SLC18A1: variants seen among roughly 807,000 people sequenced by gnomAD.
SLC18A1 encodes the protein chromaffin granule amine transporter.
In SLC18A1, 69 loss-of-function variants were observed where a neutral mutation model predicts 53.7. That is an observed-to-expected ratio of 1.28 (90% confidence interval 1.06 to 1.57). The LOEUF (loss-of-function observed/expected upper bound fraction) is 1.57, where lower values mean the gene tolerates loss of function less well. Among genes scored for constraint, SLC18A1 ranks in the 40% most tolerant of loss-of-function variants. The pLI, the probability that SLC18A1 is intolerant of heterozygous loss-of-function variation, is 0.00. For synonymous variants in SLC18A1, 320 were observed against 248.1 expected (o/e 1.29, Z -2.72); for missense variants, 932 against 668.1 (o/e 1.40, Z -4.35).
Position 20,172,742 on chromosome 8 carries a change from G to T in SLC18A1, c.724+294C>A, listed in dbSNP as rs534858737. Among the ~76,000 whole-genome samples the T allele has an allele frequency of 1.1e-4, 16 of 152,302 alleles. No individual in the cohort carries two copies. The South Asian group carries it at 2.7e-3, about 26-fold the overall frequency. On this transcript the variant is annotated intron_variant, in intron 6 of 15. Transcript: ENST00000276373. Reference sequence around the variant, plus strand: ...AACAGATTTAGCAGAGCATCTGGCAGCAGCCATGCTCTGGTGCTGTGTGCA... The same window carrying T: ...AACAGATTTAGCAGAGCATCTGGCATCAGCCATGCTCTGGTGCTGTGTGCA...
chr8:20,174,923 A>T (rs1388349991), intron 4 of SLC18A1, among the ~76,000 whole-genome samples: 2 of 152,178 alleles, frequency 1.3e-5, no homozygotes, highest in East Asian at 3.8e-4. Flanking sequence ...GGTAGAAAAT[A>T]ATATCTTGTG....
At chr8:20,146,170 C>T (rs1445371097) in intron 15 of SLC18A1, among the ~76,000 whole-genome samples, 1 of 152,150 alleles carries the variant, frequency 6.6e-6, no homozygotes, top group Non-Finnish European at 1.5e-5. Context: ...CCGCCTCAGC[C>T]TCCTAAAGTG....
At position 20,158,613 on chromosome 8, in the gene SLC18A1, C is replaced by A. The variant is rs540160560; in HGVS notation, c.1015+6256G>T. Among the ~76,000 whole-genome samples, 5 of 152,230 alleles carry A rather than the reference C, an allele frequency of 3.3e-5. No homozygotes were observed. The East Asian group carries it at 5.8e-4, about 18-fold the overall frequency. On this transcript the variant is annotated intron_variant, in intron 10 of 15. Transcript: ENST00000276373. ...AGGACTCCAAAAGATTGTTAAGGAC[C>A]TAAAAGCCCAAGGCCTTGTAAAACT...
chr8:20,147,217 A>G (rs748624715), intron 15 of SLC18A1, 41 bp downstream of exon 15: 3 of 1,563,982 alleles, frequency 1.9e-6, no homozygotes, highest in East Asian at 2.2e-5. Flanking sequence ...GATGGAAAGA[A>G]ACAGAAGTGA....
rs775746140 is a variant in SLC18A1, at chr8:20,147,381, G to A, written c.1341C>T (p.Thr447=). 24 of 1,609,390 alleles carry A rather than the reference G, an allele frequency of 1.5e-5. No homozygotes were observed. The highest frequency in any genetic ancestry group is 5.1e-5 in the Admixed American group (3 of 59,254). Residue 447 remains threonine (T), a synonymous_variant, in exon 15 of 16, where the codon ACC becomes ACT. Transcript: ENST00000276373. ...FCMGFAIGPS[T]GGAIVKAIGF... is the part of the protein sequence containing the mutation. ...CGATGGCCTTTACAATGGCACCACC[G>A]GTGGATGGACCTGGGAGGGATACAT... is the stretch of plus-strand genomic sequence containing the variant.
chr8:20,179,596 G>C, intron 2 of SLC18A1, 112 bp from the exon 3 acceptor site: 2 of 1,369,322 alleles, frequency 1.5e-6, no homozygotes, highest in Non-Finnish European at 2.0e-6. Context: ...AGGAGGACAG[G>C]TGATGGGGGC....
chr8:20,158,689 G>A (rs1238647653), intron 10 of SLC18A1, among the ~76,000 whole-genome samples: 1 of 152,106 alleles, frequency 6.6e-6, no homozygotes, highest in Non-Finnish European at 1.5e-5. Context: ...AAACCCAACG[G>A]ACAGTGGAGG....
chr8:20,177,143 T>C (rs2072272392), intron 4 of SLC18A1, among the ~76,000 whole-genome samples: 1 of 152,254 alleles, frequency 6.6e-6, no homozygotes, highest in Admixed American at 6.5e-5. Context: ...TAGGCTGAAC[T>C]GCTAGAAGTT....
At chr8:20,154,985 T>A (rs974299943) in intron 10 of SLC18A1, among the ~76,000 whole-genome samples, 1 of 152,166 alleles carries the variant, frequency 6.6e-6, no homozygotes, top group African/African-American at 2.4e-5. Context: ...CCTGCACACC[T>A]AAGTGCCCAG....
chr8:20,173,188 G>A, intron 5 of SLC18A1, 60 bp from the exon 6 acceptor site: 2 of 1,276,492 alleles, frequency 1.6e-6, no homozygotes, highest in South Asian at 1.3e-5. Flanking sequence ...GCCTCTCAGA[G>A]CCCTTGGTCC....
intron 10 of SLC18A1, among the ~76,000 whole-genome samples, chr8:20,161,185 A>C (rs1056434152): frequency 6.6e-6 from 1 of 152,168 alleles, no homozygotes; most frequent in Non-Finnish European, 1.5e-5. Context: ...CAAAATCCAG[A>C]GTCTTGTCTA....
rs2071359060 is a variant in SLC18A1 at position 20,145,013 on chromosome 8, C to G, written c.*750G>C. On this transcript the variant is annotated 3_prime_UTR_variant, in exon 16 of 16. Coordinates refer to ENST00000276373, the MANE Select transcript of SLC18A1 (RefSeq NM_003053.4). ...ATCAGTTATTTTTTCTGTCTTTCTT[C>G]TACTTTTATTTCTAAGAGTCTAAGA... 1.3e-5 allele frequency: 2 copies of G among 152,022 alleles called. No individual in the cohort carries two copies. Among genetic ancestry groups the G allele is most frequent in the Admixed American group, 1.3e-4 (2 of 15,260 alleles). The allele number at this position is 152,022 out of a possible 1,614,324, so 9.4% of individuals were successfully genotyped here.
chr8:20,179,567 T>C, intron 2 of SLC18A1, 83 bp from the exon 3 acceptor site: 1 of 1,486,776 alleles, frequency 6.7e-7, no homozygotes, highest in Non-Finnish European at 9.1e-7. Flanking sequence ...AGGACAGATG[T>C]CAATTCTACT....
rs775027396 is a variant in SLC18A1, at chr8:20,180,998, G to A, written c.-34C>T. ...CCGGACTGGGGCAGTCTTCCCCTGC[G>A]GGCTCTTAGGGAAGGTCCTGTGACA... On this transcript the variant is annotated 5_prime_UTR_variant, in exon 2 of 16. Transcript: ENST00000276373. The A allele has an allele frequency of 1.7e-5, 26 of 1,548,942 alleles. No homozygotes were observed. The highest frequency in any genetic ancestry group is 1.7e-4 in the South Asian group (14 of 84,056).
At chr8:20,178,247 A>G (rs544806259) in intron 4 of SLC18A1, among the ~76,000 whole-genome samples, 188 bp downstream of exon 4, 7 of 152,292 alleles carry the variant, frequency 4.6e-5, no homozygotes, top group African/African-American at 1.4e-4. Context: ...ACCAATTCCA[A>G]CTAGACTGAA....
chr8:20,168,432 T>G (rs1395604338), intron 8 of SLC18A1, among the ~76,000 whole-genome samples: 1 of 152,162 alleles, frequency 6.6e-6, no homozygotes, highest in Non-Finnish European at 1.5e-5. Context: ...GATTCTACAC[T>G]GATAATATCA....
At chr8:20,178,121 A>C (rs73669736) in intron 4 of SLC18A1, among the ~76,000 whole-genome samples, 395 of 148,842 alleles carry the variant, frequency 2.7e-3, no homozygotes, top group African/African-American at 7.7e-3. Flanking sequence ...TGATGCATAT[A>C]ACACACACAC....
At chr8:20,149,819 C>T (rs1467084464) in intron 11 of SLC18A1, 92 bp from the exon 12 acceptor site, 3 of 1,237,598 alleles carry the variant, frequency 2.4e-6, no homozygotes, top group East Asian at 2.4e-5. Flanking sequence ...TCCCACCAGC[C>T]CTAATCCCAG....
intron 8 of SLC18A1, among the ~76,000 whole-genome samples, chr8:20,166,053 T>C (rs1049977164): frequency 2.6e-5 from 4 of 152,070 alleles, no homozygotes; most frequent in Admixed American, 6.6e-5. Context: ...AAGAAACTGA[T>C]GTAAATCATT....
Sources: gnomAD v4.1 joint callset for allele counts (sites outside exome capture counted in the v4.1 genomes callset) on GRCh38, gnomAD v4.1.1 for gene constraint, MANE v1.5 for transcripts, NCBI Gene and HGNC (gene_info 2026-07-23, HGNC 2026-07-21) for gene names.